SAMTOR: variants seen among roughly 807,000 people sequenced by gnomAD.
SAMTOR encodes UPF0532 protein C7orf60.
At chr7:112,869,277 C>G in the SAMTOR span, among the ~76,000 whole-genome samples, 1 of 152,094 alleles carries the variant, frequency 6.6e-6, no homozygotes, top group Non-Finnish European at 1.5e-5. Context: ...CAGGCCTCTC[C>G]AGCAGCTCCA....
At chr7:112,856,297 TG>T in the SAMTOR span, among the ~76,000 whole-genome samples, 1 of 151,748 alleles carries the variant, frequency 6.6e-6, no homozygotes. Context: ...TTGCCCAGGC[TG>T]GGGTGCAGTG....
the SAMTOR span, among the ~76,000 whole-genome samples, chr7:112,873,002 A>T: frequency 2.2e-4 from 33 of 151,796 alleles, no homozygotes; most frequent in African/African-American, 7.7e-4. Flanking sequence ...AATATATCCA[A>T]CCAAGGAGGT....
chr7:112,846,383 GGAA>G, the SAMTOR span, among the ~76,000 whole-genome samples: 3 of 152,028 alleles, frequency 2.0e-5, no homozygotes, highest in African/African-American at 2.4e-5. Flanking sequence ...GATGGGAGGA[GGAA>G]GAAGATCAGA....
chr7:112,821,496 T>C, the SAMTOR span: 3 of 339,148 alleles, frequency 8.8e-6, no homozygotes, highest in Non-Finnish European at 1.1e-5. Flanking sequence ...TACCTTTCTA[T>C]GATAGTGCTA....
the SAMTOR span, among the ~76,000 whole-genome samples, chr7:112,880,516 C>G: frequency 1.3e-5 from 2 of 151,992 alleles, no homozygotes; most frequent in Non-Finnish European, 2.9e-5. Flanking sequence ...TTTTTTAAGT[C>G]TAGAAAATCT....
chr7:112,923,903 T>C, the SAMTOR span, among the ~76,000 whole-genome samples: 1 of 152,124 alleles, frequency 6.6e-6, no homozygotes, highest in African/African-American at 2.4e-5. Flanking sequence ...GGGATATGGA[T>C]GAAACTGGAA....
the SAMTOR span, among the ~76,000 whole-genome samples, chr7:112,897,079 C>T: frequency 6.6e-6 from 1 of 152,148 alleles, no homozygotes; most frequent in African/African-American, 2.4e-5. Flanking sequence ...CTTCAAATCA[C>T]ACAAGATCCA....
At chr7:112,861,612 T>C in the SAMTOR span, among the ~76,000 whole-genome samples, 1 of 152,224 alleles carries the variant, frequency 6.6e-6, no homozygotes, top group African/African-American at 2.4e-5. Context: ...TGACTCACTG[T>C]CACATTTTCT....
At chr7:112,821,996 A>G in the SAMTOR span, 3 of 1,613,674 alleles carry the variant, frequency 1.9e-6, 1 homozygote, top group South Asian at 3.3e-5. Flanking sequence ...TGGTTTTTAG[A>G]GAGATTTTCC....
the SAMTOR span, among the ~76,000 whole-genome samples, chr7:112,919,142 T>C: frequency 3.9e-5 from 6 of 152,082 alleles, no homozygotes; most frequent in Non-Finnish European, 7.4e-5. Flanking sequence ...CAACAGAATA[T>C]ACATTTTTTT....
At chr7:112,821,713 C>G in the SAMTOR span, 7 of 1,546,730 alleles carry the variant, frequency 4.5e-6, no homozygotes, top group Non-Finnish European at 6.1e-6. Context: ...AGTTTAGGAG[C>G]CTGGACTGAA....
the SAMTOR span, chr7:112,939,796 G>A: frequency 3.4e-6 from 5 of 1,479,238 alleles, no homozygotes; most frequent in African/African-American, 2.8e-5. Context: ...CCCCGCAGAC[G>A]CTCCCCAGAT....
At chr7:112,862,569 CA>C in the SAMTOR span, among the ~76,000 whole-genome samples, 1 of 152,084 alleles carries the variant, frequency 6.6e-6, no homozygotes, top group South Asian at 2.1e-4. Flanking sequence ...CAATCTAATA[CA>C]ATGGTATGGA....
At chr7:112,819,891 T>C in the SAMTOR span, 1 of 152,546 alleles carries the variant, frequency 6.6e-6, no homozygotes, top group African/African-American at 2.4e-5. Flanking sequence ...GCAAACAGTA[T>C]GGTAAAAGGT....
chr7:112,923,523 AAAAAT>A, the SAMTOR span, among the ~76,000 whole-genome samples: 1 of 152,202 alleles, frequency 6.6e-6, no homozygotes, highest in Non-Finnish European at 1.5e-5. Flanking sequence ...AAAAATAAAA[AAAAAT>A]TAAGTCAGGA....
chr7:112,899,570 A>T, the SAMTOR span, among the ~76,000 whole-genome samples: 1 of 152,170 alleles, frequency 6.6e-6, no homozygotes, highest in Non-Finnish European at 1.5e-5. Flanking sequence ...ATGCAGTTAT[A>T]AGATCAAAGA....
chr7:112,846,609 GAAAAGGCTGTCAAATA>G, the SAMTOR span, among the ~76,000 whole-genome samples: 1 of 152,144 alleles, frequency 6.6e-6, no homozygotes, highest in Non-Finnish European at 1.5e-5. Flanking sequence ...ATTTCACACA[GAAAAGGCTGTCAAATA>G]AAAATCATTT....
At chr7:112,923,477 A>AT in the SAMTOR span, among the ~76,000 whole-genome samples, 1 of 152,120 alleles carries the variant, frequency 6.6e-6, no homozygotes, top group African/African-American at 2.4e-5. Flanking sequence ...TGATCAATAA[A>AT]AAATAAATAA....
At chr7:112,822,926 T>C in the SAMTOR span, among the ~76,000 whole-genome samples, 2 of 152,168 alleles carry the variant, frequency 1.3e-5, no homozygotes, top group African/African-American at 2.4e-5. Context: ...AAAAAGTTAA[T>C]CCCTAGTTTG....
Sources: allele counts gnomAD v4.1 joint callset (sites outside exome capture counted in the v4.1 genomes callset), GRCh38; gene constraint gnomAD v4.1.1; transcripts MANE v1.5; gene names NCBI Gene and HGNC (gene_info 2026-07-23, HGNC 2026-07-21).